RPS4Y1: variants seen among roughly 807,000 people sequenced by gnomAD.
The protein encoded by RPS4Y1 is ribosomal protein S4 Y-linked 1, also known as small ribosomal subunit protein eS4, Y isoform 1.
For synonymous variants in RPS4Y1, 23 were observed against 20.8 expected, an observed-to-expected ratio of 1.10 and a Z score of -0.28; for missense variants, 30 against 60.9, an observed-to-expected ratio of 0.49 and a Z score of 1.69.
At chrY:2,854,575 T>C in intron 4 of RPS4Y1, 25 bp from the exon 5 acceptor site, 1 of 380,584 alleles carries the variant, frequency 2.6e-6, no homozygotes, top group South Asian at 3.0e-5. Flanking sequence ...ACATATTGAA[T>C]TGATTTTCCT....
chrY:2,844,362 C>A, intron 3 of RPS4Y1, 105 bp downstream of exon 3: 1 of 204,370 alleles, frequency 4.9e-6, no homozygotes, highest in South Asian at 3.7e-5. Flanking sequence ...CACTGAACTT[C>A]AGATTTCTGC....
chrY:2,856,437 G>A, intron 5 of RPS4Y1, among the ~76,000 whole-genome samples: 2 of 33,744 alleles, frequency 5.9e-5, no homozygotes, highest in South Asian at 6.7e-4. Flanking sequence ...GTGCCCAGCC[G>A]AGAATAATTT....
intron 5 of RPS4Y1, among the ~76,000 whole-genome samples, chrY:2,859,944 T>C: frequency 3.1e-5 from 1 of 32,675 alleles, no homozygotes; most frequent in Non-Finnish European, 7.5e-5. Context: ...GACTAAACCC[T>C]GATGATTATC....
At chrY:2,845,130 T>G in intron 3 of RPS4Y1, among the ~76,000 whole-genome samples, 4 of 31,917 alleles carry the variant, frequency 1.3e-4, no homozygotes, top group African/African-American at 4.9e-4. Flanking sequence ...TTTCTTACTT[T>G]CCTTCCTTCC....
At chrY:2,858,819 G>T (rs2051161575) in intron 5 of RPS4Y1, among the ~76,000 whole-genome samples, 2 of 33,134 alleles carry the variant, frequency 6.0e-5, no homozygotes, top group African/African-American at 1.2e-4. Flanking sequence ...GTCAGTTTTT[G>T]TTAATCTGTT....
chrY:2,857,959 G>T (rs2051161094), intron 5 of RPS4Y1, among the ~76,000 whole-genome samples: 2 of 33,862 alleles, frequency 5.9e-5, no homozygotes, highest in South Asian at 1.3e-3. Flanking sequence ...AGAAACCATT[G>T]TGCGGTTTTT....
chrY:2,843,933 A>G, intron 2 of RPS4Y1, 144 bp from the exon 3 acceptor site: 1 of 175,712 alleles, frequency 5.7e-6, no homozygotes, highest in Non-Finnish European at 1.0e-5. Flanking sequence ...AACTAATAAA[A>G]TAATTGCCCT....
intron 5 of RPS4Y1, among the ~76,000 whole-genome samples, chrY:2,857,440 A>C (rs2051160701): frequency 3.0e-5 from 1 of 33,518 alleles, no homozygotes; most frequent in South Asian, 6.6e-4. Context: ...TTTTTGAAAG[A>C]GTTTCACTCT....
At chrY:2,843,536 G>A (rs2051150724) in intron 2 of RPS4Y1, among the ~76,000 whole-genome samples, 2 of 33,213 alleles carry the variant, frequency 6.0e-5, no homozygotes, top group Non-Finnish European at 7.4e-5. Flanking sequence ...CCAAAACTGC[G>A]AGAGTATAGG....
chrY:2,856,239 C>T, intron 5 of RPS4Y1, among the ~76,000 whole-genome samples: 1 of 33,063 alleles, frequency 3.0e-5, no homozygotes, highest in Non-Finnish European at 7.5e-5. Context: ...CACAGGTTTG[C>T]GCCGTTTTCC....
chrY:2,849,848 G>A (rs770467509), intron 4 of RPS4Y1, among the ~76,000 whole-genome samples: 3 of 33,265 alleles, frequency 9.0e-5, no homozygotes. Flanking sequence ...AATAAAAGTC[G>A]TCTGAGGTGG....
chrY:2,851,354 C>T (rs990121148), intron 4 of RPS4Y1, among the ~76,000 whole-genome samples: 1 of 33,282 alleles, frequency 3.0e-5, no homozygotes, highest in Non-Finnish European at 7.4e-5. Flanking sequence ...AAGTCTGGCT[C>T]CACTGGTTGC....
chrY:2,846,982 C>T, intron 4 of RPS4Y1, among the ~76,000 whole-genome samples: 1 of 33,797 alleles, frequency 3.0e-5, no homozygotes, highest in Non-Finnish European at 7.3e-5. Flanking sequence ...CGCATAGTAG[C>T]GAGAAGTGCC....
chrY:2,858,868 C>A, intron 5 of RPS4Y1, among the ~76,000 whole-genome samples: 1 of 32,924 alleles, frequency 3.0e-5, no homozygotes, highest in Non-Finnish European at 7.5e-5. Flanking sequence ...TTTTTTCTTA[C>A]TGTTTTTTTC....
In RPS4Y1 at chrY:2,854,636, G is replaced by A. The variant is rs763265161; in HGVS notation, c.397G>A (p.Val133Met). 8.4e-4 allele frequency: 330 copies of A among 394,408 alleles called. No homozygotes were observed. The South Asian group carries it at 9.5e-3, about 11-fold the overall frequency. Residue 133 changes from valine (V) to methionine (M), a missense_variant, in exon 5 of 7, where the codon GTG (valine) becomes ATG (methionine). Transcript: ENST00000250784. Reference sequence around the variant, plus strand: ...CAAAGTGAGGAAGATTACTGTGGGAGTGAAGGGAATCCCTCACCTGGTGAC... The same window carrying A: ...CAAAGTGAGGAAGATTACTGTGGGAATGAAGGGAATCCCTCACCTGGTGAC... ...LCKVRKITVG[V>M]KGIPHLVTHD...
intron 2 of RPS4Y1, 141 bp from the exon 3 acceptor site, chrY:2,843,936 A>G: frequency 5.7e-6 from 1 of 176,816 alleles, no homozygotes; most frequent in Non-Finnish European, 1.0e-5. Context: ...TAATAAAATA[A>G]TTGCCCTCTT....
chrY:2,844,798 G>A (rs2124489356), intron 3 of RPS4Y1, among the ~76,000 whole-genome samples: 2 of 33,194 alleles, frequency 6.0e-5, no homozygotes, highest in African/African-American at 1.2e-4. Flanking sequence ...TTCCCACTTC[G>A]TTGATGACTT....
At chrY:2,850,375 A>G (rs2051155415) in intron 4 of RPS4Y1, among the ~76,000 whole-genome samples, 1 of 34,214 alleles carries the variant, frequency 2.9e-5, no homozygotes, top group African/African-American at 1.1e-4. Flanking sequence ...GATATAGGAG[A>G]AGAAAAAGTT....
At chrY:2,845,617 C>T (rs762689356) in intron 3 of RPS4Y1, 29 bp from the exon 4 acceptor site, 1 of 340,170 alleles carries the variant, frequency 2.9e-6, no homozygotes, top group Non-Finnish European at 4.3e-6. Flanking sequence ...TTTGTGTTAA[C>T]GATGTTCCTT....
Sources: gnomAD v4.1 joint callset for allele counts (sites outside exome capture counted in the v4.1 genomes callset) on GRCh38, gnomAD v4.1.1 for gene constraint, MANE v1.5 for transcripts, NCBI Gene and HGNC (gene_info 2026-07-23, HGNC 2026-07-21) for gene names.